The following ZDHHC15 variants were observed in gnomAD, a reference collection of about 807,000 sequenced individuals.
ZDHHC15 encodes the protein palmitoyltransferase ZDHHC15.
Under a neutral mutation model 31.7 loss-of-function variants are expected in ZDHHC15, and 19 were observed. The ratio of observed to expected loss-of-function variants is 0.60; its 90% confidence interval spans 0.42 to 0.88. The LOEUF (loss-of-function observed/expected upper bound fraction) is 0.88. Ranked by LOEUF, ZDHHC15 falls within the 40% of genes least tolerant of loss-of-function variation. ZDHHC15 has a pLI of 0.00. For missense variants in ZDHHC15, 209 were observed against 251.2 expected, an observed-to-expected ratio of 0.83 and a Z score of 1.14; for synonymous variants, 103 against 90.0, an observed-to-expected ratio of 1.14 and a Z score of -0.82.
intron 2 of ZDHHC15, among the ~76,000 whole-genome samples, chrX:75,497,382 C>T (rs911558791): frequency 9.8e-5 from 11 of 111,679 alleles, no homozygotes; most frequent in Non-Finnish European, 1.7e-4. Context: ...CAGATAAATT[C>T]ACAGCTGAAT....
At chrX:75,458,108 A>T (rs1396853527) in intron 3 of ZDHHC15, among the ~76,000 whole-genome samples, 2 of 112,370 alleles carry the variant, frequency 1.8e-5, no homozygotes. Flanking sequence ...GGTTAAACCA[A>T]GTGTGATAAA....
chrX:75,468,258 T>C (rs2095765830), intron 3 of ZDHHC15, among the ~76,000 whole-genome samples: 1 of 110,600 alleles, frequency 9.0e-6, no homozygotes, highest in Admixed American at 9.7e-5. Context: ...TTGGTCAGGC[T>C]AGTCTCGAAC....
intron 3 of ZDHHC15, among the ~76,000 whole-genome samples, chrX:75,468,511 T>C (rs987867377): frequency 6.2e-5 from 7 of 112,310 alleles, no homozygotes; most frequent in Non-Finnish European, 1.1e-4. Context: ...CTATAGTGAA[T>C]AGTGCTGCTA....
At chrX:75,521,359 G>A (rs766338062) in intron 1 of ZDHHC15, among the ~76,000 whole-genome samples, 2 of 111,094 alleles carry the variant, frequency 1.8e-5, no homozygotes, top group Non-Finnish European at 3.8e-5. Context: ...AGATTTTACT[G>A]TGAGAAAAGC....
intron 1 of ZDHHC15, among the ~76,000 whole-genome samples, chrX:75,507,787 T>C (rs952404289): frequency 4.5e-5 from 5 of 111,824 alleles, no homozygotes; most frequent in Non-Finnish European, 9.4e-5. Flanking sequence ...TTATTGACTC[T>C]TTGCAAGTAG....
chrX:75,399,426 C>G (rs1039017379), intron 10 of ZDHHC15, among the ~76,000 whole-genome samples: 2 of 112,181 alleles, frequency 1.8e-5, no homozygotes, highest in Non-Finnish European at 3.8e-5. Context: ...CCATCTCCCA[C>G]AGGTCCTAAA....
intron 1 of ZDHHC15, among the ~76,000 whole-genome samples, chrX:75,518,804 TATACACACACACACACACAC>T (rs1373980227): frequency 4.2e-5 from 1 of 23,759 alleles, no homozygotes; most frequent in Non-Finnish European, 7.4e-5. Context: ...TATATATATA[TATACACACACACACACACAC>T]ACACACACAC....
At chrX:75,429,325 A>G (rs2083750403) in intron 6 of ZDHHC15, 127 bp from the exon 7 acceptor site, 1 of 801,301 alleles carries the variant, frequency 1.2e-6, no homozygotes, top group Admixed American at 4.0e-5. Context: ...TAAAAGCCCA[A>G]TAGAGATAGA....
intron 11 of ZDHHC15, among the ~76,000 whole-genome samples, chrX:75,373,926 GTTTTTTTT>G (rs35704680): frequency 5.9e-5 from 3 of 50,459 alleles, no homozygotes; most frequent in African/African-American, 7.6e-5. Context: ...CATTCTTTCT[GTTTTTTTT>G]TTTTTTTTTT....
At chrX:75,379,311 C>T (rs2083091030) in intron 10 of ZDHHC15, 113 bp from the exon 11 acceptor site, 4 of 755,816 alleles carry the variant, frequency 5.3e-6, no homozygotes, top group Non-Finnish European at 8.1e-6. Flanking sequence ...CAGATACCTG[C>T]AAACCTCTAA....
At chrX:75,419,266 A>T (rs1235155189) in intron 9 of ZDHHC15, among the ~76,000 whole-genome samples, 1 of 111,765 alleles carries the variant, frequency 8.9e-6, no homozygotes, top group Non-Finnish European at 1.9e-5. Context: ...AAAAACAAAC[A>T]ACCCCATCAA....
chrX:75,422,843 T>C (rs1226814003), intron 8 of ZDHHC15, among the ~76,000 whole-genome samples: 3 of 109,162 alleles, frequency 2.7e-5, no homozygotes, highest in Non-Finnish European at 5.7e-5. Context: ...TTAGGGTACA[T>C]GTGCACAATG....
At position 75,369,236 on chromosome X, in the gene ZDHHC15, G is replaced by A. The variant is rs2082984066; in HGVS notation, c.*3742C>T. The A allele has an allele frequency of 9.0e-6, 1 of 111,510 alleles. No individual in the cohort carries two copies. The highest frequency in any genetic ancestry group is 3.3e-5 in the African/African-American group (1 of 30,680). The allele number at this position is 111,510 out of a possible 1,213,427, so 9.2% of individuals were successfully genotyped here. Reference sequence around the variant, plus strand: ...TGTTTCTTAGACTCTTTTTCTAAAAGGAGAAAACAGATAATCATTCTTTTA... The same window carrying A: ...TGTTTCTTAGACTCTTTTTCTAAAAAGAGAAAACAGATAATCATTCTTTTA... On this transcript the variant is annotated 3_prime_UTR_variant, in exon 12 of 12. Transcript: ENST00000373367.
At chrX:75,448,221 G>A (rs780961374) in intron 4 of ZDHHC15, among the ~76,000 whole-genome samples, 9 of 112,278 alleles carry the variant, frequency 8.0e-5, no homozygotes, top group African/African-American at 2.6e-4. Context: ...ATCCAATTCA[G>A]GCAGGACTAC....
chrX:75,392,977 T>C (rs2083263263), intron 10 of ZDHHC15, among the ~76,000 whole-genome samples: 1 of 109,405 alleles, frequency 9.1e-6, no homozygotes, highest in East Asian at 2.9e-4. Flanking sequence ...CCTTCATTCC[T>C]GAAGGGTCTG....
At chrX:75,383,946 G>A (rs1044159238) in intron 10 of ZDHHC15, among the ~76,000 whole-genome samples, 2 of 108,482 alleles carry the variant, frequency 1.8e-5, no homozygotes, top group Non-Finnish European at 3.8e-5. Context: ...GTTTCACTGT[G>A]TTAACCAGGA....
At chrX:75,437,083 G>A (rs1440308165) in intron 4 of ZDHHC15, among the ~76,000 whole-genome samples, 4 of 109,747 alleles carry the variant, frequency 3.6e-5, no homozygotes, top group Non-Finnish European at 5.7e-5. Context: ...GGGTTTCACC[G>A]TGTTAGCCAG....
At chrX:75,426,877 T>G (rs1260188424) in intron 7 of ZDHHC15, among the ~76,000 whole-genome samples, 1 of 111,454 alleles carries the variant, frequency 9.0e-6, no homozygotes, top group Non-Finnish European at 1.9e-5. Context: ...TGGGTGATCA[T>G]AGACAAGTCA....
In ZDHHC15 at chrX:75,368,897, A is replaced by T. The variant is rs963937116; in HGVS notation, c.*4081T>A. On this transcript the variant is annotated 3_prime_UTR_variant, in exon 12 of 12. Transcript: ENST00000373367. ...ACAGACCTAACCCTTTTAGGGAAGTAAACAGTCATGGGTTGCATGCTACTA... is the reference window on the plus strand; with the variant it reads ...ACAGACCTAACCCTTTTAGGGAAGTTAACAGTCATGGGTTGCATGCTACTA... 2 of 111,794 alleles carry T rather than the reference A, an allele frequency of 1.8e-5. No individual in the cohort carries two copies. The highest frequency in any genetic ancestry group is 6.5e-5 in the African/African-American group (2 of 30,725). The allele number at this position is 111,794 out of a possible 1,213,427, so 9.2% of individuals were successfully genotyped here.
Sources: allele counts gnomAD v4.1 joint callset (sites outside exome capture counted in the v4.1 genomes callset), GRCh38; gene constraint gnomAD v4.1.1; transcripts MANE v1.5; gene names NCBI Gene and HGNC (gene_info 2026-07-23, HGNC 2026-07-21).